Variants in KCNH1 observed in about 807,000 individuals in gnomAD.
KCNH1 encodes potassium voltage-gated channel subfamily H member 1, also known as voltage-gated delayed rectifier potassium channel KCNH1.
KCNH1 carries 27 observed loss-of-function variants against 69.2 expected under a neutral mutation model. That is an observed-to-expected ratio of 0.39 (90% CI 0.29 to 0.54). The LOEUF is 0.54. Ranked by LOEUF, KCNH1 falls within the 20% of genes least tolerant of loss-of-function variation. KCNH1 has a pLI of 0.68. For missense variants in KCNH1, 798 were observed against 1,261.6 expected, an observed-to-expected ratio of 0.63 and a Z score of 5.57; for synonymous variants, 456 against 487.7, an observed-to-expected ratio of 0.93 and a Z score of 0.86.
chr1:211,007,779 G>A (rs1368031668), intron 6 of KCNH1, among the ~76,000 whole-genome samples: 3 of 152,034 alleles, frequency 2.0e-5, no homozygotes, highest in African/African-American at 7.3e-5. Context: ...AGATACATGA[G>A]GAAGAAGAAA....
At chr1:210,717,032 T>G (rs746111507) in intron 10 of KCNH1, among the ~76,000 whole-genome samples, 1 of 152,206 alleles carries the variant, frequency 6.6e-6, no homozygotes, top group Non-Finnish European at 1.5e-5. Context: ...TTGAGTTATA[T>G]CTTCTATTTC....
chr1:210,869,519 G>GTA (rs1362556481), intron 7 of KCNH1, among the ~76,000 whole-genome samples: 3 of 146,672 alleles, frequency 2.0e-5, no homozygotes, highest in Admixed American at 6.8e-5. Flanking sequence ...GTGTGTGTGT[G>GTA]TGTGTGTGCT....
chr1:210,855,347 A>T (rs1685809864), intron 7 of KCNH1, among the ~76,000 whole-genome samples: 1 of 152,180 alleles, frequency 6.6e-6, no homozygotes, highest in African/African-American at 2.4e-5. Context: ...CTTATTATTG[A>T]CTGTAAGCTT....
At chr1:211,087,786 G>T (rs1225176542) in intron 4 of KCNH1, among the ~76,000 whole-genome samples, 1 of 152,184 alleles carries the variant, frequency 6.6e-6, no homozygotes, top group Non-Finnish European at 1.5e-5. Context: ...GCAAAGTGAA[G>T]ATGAGGAAGT....
At chr1:210,882,268 G>A (rs564659031) in intron 7 of KCNH1, among the ~76,000 whole-genome samples, 8 of 152,042 alleles carry the variant, frequency 5.3e-5, no homozygotes, top group Admixed American at 1.3e-4. Context: ...TCACAGACAC[G>A]TGTAGTCATG....
chr1:211,078,508 C>G (rs1466053620), intron 5 of KCNH1, among the ~76,000 whole-genome samples: 13 of 152,158 alleles, frequency 8.5e-5, no homozygotes, highest in Admixed American at 8.5e-4. Flanking sequence ...CAACCTGCTC[C>G]TGAATGACTA....
chr1:210,807,499 C>A (rs774052439), intron 7 of KCNH1, among the ~76,000 whole-genome samples: 1 of 151,970 alleles, frequency 6.6e-6, no homozygotes, highest in Non-Finnish European at 1.5e-5. Flanking sequence ...GTAGTCCCAG[C>A]AACTTGGAAG....
chr1:210,839,376 A>G (rs1012775311), intron 7 of KCNH1, among the ~76,000 whole-genome samples: 12 of 151,990 alleles, frequency 7.9e-5, no homozygotes, highest in African/African-American at 2.9e-4. Flanking sequence ...ACATGGACAC[A>G]CGCTGGGGAA....
intron 7 of KCNH1, among the ~76,000 whole-genome samples, chr1:210,806,992 GC>G (rs1684597731): frequency 8.8e-6 from 1 of 113,296 alleles, no homozygotes. Context: ...GGGTAGCAGA[GC>G]AAGACTCCAT....
chr1:210,721,967 A>G (rs1406321772), intron 10 of KCNH1, among the ~76,000 whole-genome samples: 1 of 152,096 alleles, frequency 6.6e-6, no homozygotes, highest in Non-Finnish European at 1.5e-5. Flanking sequence ...TCTGCTGAAG[A>G]TGACCCTCTC....
chr1:210,761,987 G>A (rs1194122436), intron 10 of KCNH1, among the ~76,000 whole-genome samples: 2 of 152,020 alleles, frequency 1.3e-5, no homozygotes, highest in African/African-American at 2.4e-5. Flanking sequence ...GACTGACCAC[G>A]TGCTTGGTCA....
At chr1:211,040,902 G>T (rs528609862) in intron 5 of KCNH1, among the ~76,000 whole-genome samples, 1 of 152,212 alleles carries the variant, frequency 6.6e-6, no homozygotes, top group East Asian at 1.9e-4. Context: ...CTTCTTCTGT[G>T]AAAGGCCAGT....
intron 7 of KCNH1, among the ~76,000 whole-genome samples, chr1:210,889,529 AACAT>A (rs1320298883): frequency 6.6e-6 from 1 of 152,220 alleles, no homozygotes; most frequent in South Asian, 2.1e-4. Flanking sequence ...ACTCCTATTC[AACAT>A]AGTGTTGGAA....
intron 10 of KCNH1, among the ~76,000 whole-genome samples, chr1:210,684,543 T>A (rs1044432968): frequency 6.6e-6 from 1 of 152,102 alleles, no homozygotes; most frequent in Non-Finnish European, 1.5e-5. Flanking sequence ...CAAATATCAC[T>A]TTTCTGGCCC....
intron 7 of KCNH1, among the ~76,000 whole-genome samples, chr1:210,879,272 A>G (rs1686445430): frequency 1.3e-5 from 2 of 152,086 alleles, no homozygotes; most frequent in Non-Finnish European, 2.9e-5. Context: ...CTAGGAGGCC[A>G]GGATTACACT....
chr1:210,861,438 C>T (rs1046963133), intron 7 of KCNH1: 2 of 776,510 alleles, frequency 2.6e-6, no homozygotes, highest in Admixed American at 1.7e-5. Flanking sequence ...TCCTAGGAAA[C>T]ACTGCCAGAG....
chr1:210,813,084 C>A (rs969101611), intron 7 of KCNH1, among the ~76,000 whole-genome samples: 5 of 152,184 alleles, frequency 3.3e-5, no homozygotes, highest in Admixed American at 6.5e-5. Flanking sequence ...CAGAATACTG[C>A]GCTGGTACAT....
At chr1:210,925,993 T>C (rs1344180909) in intron 6 of KCNH1, among the ~76,000 whole-genome samples, 1 of 152,142 alleles carries the variant, frequency 6.6e-6, no homozygotes, top group African/African-American at 2.4e-5. Context: ...AAACACAACC[T>C]CACACCTGTA....
At chr1:210,763,640 C>A (rs1016204724) in intron 10 of KCNH1, among the ~76,000 whole-genome samples, 1 of 151,916 alleles carries the variant, frequency 6.6e-6, no homozygotes, top group African/African-American at 2.4e-5. Context: ...AATAAAATAC[C>A]TAGGAATACA....
Sources: allele counts gnomAD v4.1 joint callset (sites outside exome capture counted in the v4.1 genomes callset), GRCh38; gene constraint gnomAD v4.1.1; transcripts MANE v1.5; gene names NCBI Gene and HGNC (gene_info 2026-07-23, HGNC 2026-07-21).